DPP6: variants seen among roughly 807,000 people sequenced by gnomAD.
DPP6 encodes dipeptidyl peptidase like 6.
A neutral mutation model predicts 122.6 loss-of-function variants in DPP6; 69 were observed. The observed-to-expected ratio is 0.56, with a 90% CI of 0.46 to 0.69. The LOEUF (loss-of-function observed/expected upper bound fraction) is 0.69. Among genes scored for constraint, DPP6 ranks in the 30% least tolerant of loss-of-function variants. DPP6 has a pLI of 0.00. For missense variants in DPP6, 928 were observed against 1,116.9 expected, an observed-to-expected ratio of 0.83 and a Z score of 2.41; for synonymous variants, 418 against 433.1, an observed-to-expected ratio of 0.97 and a Z score of 0.43.
At chr7:154,856,343 G>A (rs1243700657) in intron 17 of DPP6, among the ~76,000 whole-genome samples, 3 of 152,126 alleles carry the variant, frequency 2.0e-5, no homozygotes, top group African/African-American at 7.2e-5. Context: ...TCAGTCCTTG[G>A]GGCTCCTAAA....
the DPP6 span, among the ~76,000 whole-genome samples, chr7:153,783,489 C>A: frequency 6.6e-6 from 1 of 152,126 alleles, no homozygotes; most frequent in Non-Finnish European, 1.5e-5. Flanking sequence ...TACAACTCAA[C>A]GTGAGATTTG....
At chr7:154,064,894 A>G (rs1013922641) in intron 1 of DPP6, among the ~76,000 whole-genome samples, 1 of 152,112 alleles carries the variant, frequency 6.6e-6, no homozygotes, top group African/African-American at 2.4e-5. Flanking sequence ...CAGGAACAGG[A>G]CTGGCCAGGG....
intron 3 of DPP6, among the ~76,000 whole-genome samples, chr7:154,499,810 G>A (rs1825073770): frequency 6.6e-6 from 1 of 152,002 alleles, no homozygotes. Context: ...TATGTGTGTG[G>A]GGGTCCTAAA....
intron 23 of DPP6, among the ~76,000 whole-genome samples, chr7:154,888,111 T>C (rs895207315): frequency 2.7e-4 from 38 of 140,610 alleles, no homozygotes; most frequent in Non-Finnish European, 4.1e-4. Context: ...TTTTTTGAGA[T>C]GGAGTCTTGC....
intron 1 of DPP6, among the ~76,000 whole-genome samples, chr7:154,369,326 T>G (rs1286819737): frequency 6.6e-6 from 1 of 152,062 alleles, no homozygotes; most frequent in Non-Finnish European, 1.5e-5. Context: ...TTTTCTTCTT[T>G]ACTTCTGTTG....
rs745578579 is a variant in DPP6 at position 154,769,489 on chromosome 7, A to G, written c.956A>G (p.Asn319Ser). The change falls in exon 9 of 26, where the codon AAT becomes AGT. Residue 319 changes from asparagine to serine, a missense_variant. Coordinates refer to ENST00000377770, the MANE Select transcript of DPP6 (RefSeq NM_130797.4). The part of the protein sequence containing the change: ...DGTRLAYAAI[N>S]DSRVPIMELP... ...ACGAGACTCGCCTACGCCGCCATCA[A>G]TGATTCCCGTGTCCCCATCATGGAG... is the stretch of plus-strand genomic sequence containing the variant. 9 of 1,613,718 alleles carry G rather than the reference A, an allele frequency of 5.6e-6. No homozygotes were observed. The highest frequency in any genetic ancestry group is 7.6e-6 in the Non-Finnish European group (9 of 1,179,836).
chr7:153,841,245 T>C, the DPP6 span, among the ~76,000 whole-genome samples: 1 of 152,226 alleles, frequency 6.6e-6, no homozygotes, highest in Non-Finnish European at 1.5e-5. Context: ...TCATTGCTTA[T>C]ACACAAAGAT....
intron 1 of DPP6, among the ~76,000 whole-genome samples, chr7:154,301,322 G>C (rs1805883905): frequency 6.6e-6 from 1 of 152,164 alleles, no homozygotes; most frequent in South Asian, 2.1e-4. Flanking sequence ...TTCTGTGCAA[G>C]GCGCTTGGAA....
chr7:154,067,485 G>C (rs145320726), intron 1 of DPP6, among the ~76,000 whole-genome samples: 47 of 152,164 alleles, frequency 3.1e-4, no homozygotes, highest in South Asian at 1.2e-3. Flanking sequence ...TCAGGGAGAG[G>C]TCAGAGTATT....
chr7:154,388,661 G>A (rs1438152281), intron 1 of DPP6, among the ~76,000 whole-genome samples: 1 of 152,124 alleles, frequency 6.6e-6, no homozygotes, highest in East Asian at 1.9e-4. Flanking sequence ...CCTGGCTTAT[G>A]TCTAACAGGA....
At chr7:153,749,223 A>C in the DPP6 span, among the ~76,000 whole-genome samples, 1 of 152,184 alleles carries the variant, frequency 6.6e-6, no homozygotes, top group Non-Finnish European at 1.5e-5. The surrounding 1 kb of genome is among the most constrained non-coding windows in gnomAD (Gnocchi z 4.1). Context: ...CGCGGCCAGC[A>C]GCAGGGCTCT....
At chr7:154,287,195 G>A (rs1188419983) in intron 1 of DPP6, among the ~76,000 whole-genome samples, 2 of 152,192 alleles carry the variant, frequency 1.3e-5, no homozygotes, top group African/African-American at 4.8e-5. Context: ...TCTTACAAAC[G>A]CAGGAGAGAT....
At chr7:153,752,281 C>T in the DPP6 span, among the ~76,000 whole-genome samples, 48 of 147,472 alleles carry the variant, frequency 3.3e-4, no homozygotes, top group East Asian at 7.9e-3. Flanking sequence ...GACCGAGTCT[C>T]GCTCTGTTGC....
rs1487745438 is a variant in DPP6, at chr7:153,922,587, A to G, written c.51+34853A>G. ...CAGGTCTGAGAAACAAATTCTATACATATTTTTATGTCTCTGATATCATTG... is the reference window on the plus strand; with the variant it reads ...CAGGTCTGAGAAACAAATTCTATACGTATTTTTATGTCTCTGATATCATTG... On this transcript the variant is annotated intron_variant, in intron 1 of 25. Transcript: ENST00000404039. Among the ~76,000 whole-genome samples the G allele has an allele frequency of 3.3e-5, 5 of 152,302 alleles. No homozygotes were observed. The East Asian group carries it at 9.6e-4, about 29-fold the overall frequency.
intron 4 of DPP6, among the ~76,000 whole-genome samples, chr7:154,545,832 G>T (rs1160912072): frequency 6.6e-6 from 1 of 152,214 alleles, no homozygotes; most frequent in African/African-American, 2.4e-5. Context: ...CACCAGTTCA[G>T]AATGAGTCAC....
At chr7:154,593,635 ACGGGCTGCAG>A (rs1832928263) in intron 5 of DPP6, among the ~76,000 whole-genome samples, 1 of 152,236 alleles carries the variant, frequency 6.6e-6, no homozygotes, top group Non-Finnish European at 1.5e-5. Context: ...ACTCAGAAGA[ACGGGCTGCAG>A]CCCCGGAGCC....
At chr7:154,841,028 A>T (rs1365911078) in intron 16 of DPP6, among the ~76,000 whole-genome samples, 1 of 152,256 alleles carries the variant, frequency 6.6e-6, no homozygotes, top group Non-Finnish European at 1.5e-5. Context: ...TTGAAGAGAT[A>T]AGACATAACT....
At chr7:154,470,958 A>C (rs1822213592) in intron 2 of DPP6, among the ~76,000 whole-genome samples, 1 of 152,154 alleles carries the variant, frequency 6.6e-6, no homozygotes, top group African/African-American at 2.4e-5. Context: ...AATAACGAAA[A>C]ACACAGCTGC....
intron 3 of DPP6, among the ~76,000 whole-genome samples, chr7:154,506,046 C>T (rs1443860678): frequency 6.6e-6 from 1 of 151,922 alleles, no homozygotes; most frequent in African/African-American, 2.4e-5. Context: ...TTATTAATAT[C>T]AGTATAGACT....
Sources: allele counts gnomAD v4.1 joint callset (sites outside exome capture counted in the v4.1 genomes callset), GRCh38; gene constraint gnomAD v4.1.1; non-coding constraint Gnocchi (gnomAD v3.1); transcripts MANE v1.5; gene names NCBI Gene and HGNC (gene_info 2026-07-23, HGNC 2026-07-21).